The following KLF2 variants were observed in gnomAD, a reference collection of about 807,000 sequenced individuals.
The protein encoded by KLF2 is KLF transcription factor 2, also known as Krueppel-like factor 2.
KLF2 carries 9 observed loss-of-function variants against 22.2 expected under a neutral mutation model. That is an observed-to-expected ratio of 0.40 (90% CI 0.24 to 0.71). The LOEUF (loss-of-function observed/expected upper bound fraction) is 0.71, where lower values mean the gene tolerates loss of function less well. KLF2 is among the 30% of genes least tolerant of loss of function. KLF2 has a pLI of 0.35. For missense variants in KLF2, 481 were observed against 542.1 expected (o/e 0.89, Z 1.12); for synonymous variants, 299 against 264.2 (o/e 1.13, Z -1.28).
At position 16,325,793 on chromosome 19, in the gene KLF2, C is replaced by T. The variant is rs1174401553; in HGVS notation, c.653C>T (p.Ala218Val). 1.5e-6 allele frequency: 2 copies of T among 1,333,540 alleles called. No individual in the cohort carries two copies. Among genetic ancestry groups the T allele is most frequent in the Non-Finnish European group, 1.9e-6 (2 of 1,049,760 alleles). The allele number at this position is 1,333,540 out of a possible 1,614,324, so 82.6% of individuals were successfully genotyped here. Reference sequence around the variant, plus strand: ...CATTACGCGCCGCCTGCGCCCCCAGCCTTCGGTCTCTTCGACGACGCGGCC... The same window carrying T: ...CATTACGCGCCGCCTGCGCCCCCAGTCTTCGGTCTCTTCGACGACGCGGCC... ...GLHYAPPAPP[A>V]FGLFDDAAAA... Residue 218 changes from alanine (A) to valine (V), a missense_variant, in exon 2 of 3, where the codon GCC becomes GTC. Physicochemically the swap from Ala to Val is moderately conservative, Grantham distance 64. Transcript: ENST00000248071.
rs1400853882 is a variant in KLF2 at position 16,324,854 on chromosome 19, C to G, written c.-70C>G. The G allele has an allele frequency of 2.9e-6, 4 of 1,362,710 alleles. No homozygotes were observed. The highest frequency in any genetic ancestry group is 1.5e-5 in the African/African-American group (1 of 65,902). 84.4% of individuals were successfully genotyped at this position (1,362,710 alleles called of 1,614,324 possible). A position where few individuals can be genotyped will look rare whatever the true frequency, so the allele number is the denominator to read the frequency against. Reference sequence around the variant, plus strand: ...GAGCCGTCCCCGCCCGCCCGCGCCCCGACCAGCCCGGCCTCGGGCAGCCAC... The same window carrying G: ...GAGCCGTCCCCGCCCGCCCGCGCCCGGACCAGCCCGGCCTCGGGCAGCCAC... On this transcript the variant is annotated 5_prime_UTR_variant, in exon 1 of 3. Transcript: ENST00000248071.
Position 16,327,108 on chromosome 19 carries a change from C to G in KLF2, c.*77C>G. On this transcript the variant is annotated 3_prime_UTR_variant, in exon 3 of 3. Coordinates refer to ENST00000248071, the MANE Select transcript of KLF2 (RefSeq NM_016270.4). ...GGCGCGGCCCCCTCCCAAACTGTGACTGGTATTTATTGGACCCAGAGAACC... is the reference window on the plus strand; with the variant it reads ...GGCGCGGCCCCCTCCCAAACTGTGAGTGGTATTTATTGGACCCAGAGAACC... 7.3e-7 allele frequency: 1 copy of G among 1,361,032 alleles called. No homozygotes were observed. The highest frequency in any genetic ancestry group is 9.8e-7 in the Non-Finnish European group (1 of 1,022,120). 84.3% of individuals were successfully genotyped at this position (1,361,032 alleles called of 1,614,324 possible).
Position 16,324,866 on chromosome 19 carries a change from C to T in KLF2, c.-58C>T, listed in dbSNP as rs2091882783. On this transcript the variant is annotated 5_prime_UTR_variant, in exon 1 of 3. Coordinates refer to ENST00000248071, the MANE Select transcript of KLF2 (RefSeq NM_016270.4). ...CCCGCCCGCGCCCCGACCAGCCCGG[C>T]CTCGGGCAGCCACTCACCGGTGTCC... The T allele has an allele frequency of 3.5e-6, 5 of 1,444,322 alleles. No homozygotes were observed. In the Admixed American group the frequency reaches 7.6e-5, roughly 22 times the overall value. 89.5% of individuals were successfully genotyped at this position (1,444,322 alleles called of 1,614,324 possible).
Position 16,327,277 on chromosome 19 carries a change from A to T in KLF2, c.*246A>T. ...CGAGTTTTGTTTTTCAAAATGGTGC[A>T]ATAATTTAAGTGGCATCTTCTCTCC... On this transcript the variant is annotated 3_prime_UTR_variant, in exon 3 of 3. Coordinates refer to ENST00000248071, the MANE Select transcript of KLF2 (RefSeq NM_016270.4). 2.1e-6 allele frequency: 1 copy of T among 468,808 alleles called. No homozygotes were observed. Among genetic ancestry groups the T allele is most frequent in the Non-Finnish European group, 3.8e-6 (1 of 260,610 alleles). The allele number at this position is 468,808 out of a possible 1,614,324, so 29.0% of individuals were successfully genotyped here.
At position 16,325,243 on chromosome 19, in the gene KLF2, G is replaced by C; in HGVS notation, c.103G>C (p.Gly35Arg). The C allele has an allele frequency of 3.3e-6, 5 of 1,538,142 alleles. No homozygotes were observed. Among genetic ancestry groups the C allele is most frequent in the Non-Finnish European group, 4.4e-6 (5 of 1,147,306 alleles). ...CTGGCCGCGCGCCGAACCCGAGTCC[G>C]GCGGCACCGACGACGACCTCAACAG... is the stretch of plus-strand genomic sequence containing the variant. Reference protein sequence around the residue: ...ERWPRAEPESGGTDDDLNSVL... With the variant: ...ERWPRAEPESRGTDDDLNSVL... The change falls in exon 2 of 3, where the codon GGC becomes CGC. Residue 35 changes from glycine to arginine, a missense_variant. Physicochemically the swap from Gly to Arg is moderately radical, Grantham distance 125. Around this residue, in one of 2 missense-constraint regions of KLF2, gnomAD observed 421 missense variants for 435.1 expected, o/e 0.97. Transcript: ENST00000248071.
At position 16,325,323 on chromosome 19, in the gene KLF2, C is replaced by CCCGGAGCCG; in HGVS notation, c.187_195dup (p.Glu63_Pro65dup). 1.1e-5 allele frequency: 16 copies of CCCGGAGCCG among 1,482,332 alleles called. No homozygotes were observed. Among genetic ancestry groups the CCCGGAGCCG allele is most frequent in the Non-Finnish European group, 1.2e-5 (14 of 1,123,260 alleles). 91.8% of individuals were successfully genotyped at this position (1,482,332 alleles called of 1,614,324 possible). Reference sequence around the variant, plus strand: ...TGGATGGCCTGGGCGCCGAGGCCGCCCCGGAGCCGCCGCCGCCGCCCCCGC... The same window carrying CCCGGAGCCG: ...TGGATGGCCTGGGCGCCGAGGCCGCCCCGGAGCCGCCGGAGCCGCCGCCGCCGCCCCCGC... On this transcript the variant is annotated inframe_insertion, in exon 2 of 3. Coordinates refer to ENST00000248071, the MANE Select transcript of KLF2 (RefSeq NM_016270.4).
Position 16,325,921 on chromosome 19 carries a change from C to A in KLF2, c.781C>A (p.Arg261Ser). 6.6e-7 allele frequency: 1 copy of A among 1,522,412 alleles called. No individual in the cohort carries two copies. The highest frequency in any genetic ancestry group is 8.8e-7 in the Non-Finnish European group (1 of 1,137,880). The allele number at this position is 1,522,412 out of a possible 1,614,324, so 94.3% of individuals were successfully genotyped here. The change falls in exon 2 of 3, where the codon CGC becomes AGC. Residue 261 changes from arginine to serine, a missense_variant. Arg to Ser is a moderately radical substitution (Grantham distance 110). This residue lies in a region of KLF2 where 421 missense variants were observed against 435.1 expected (regional missense o/e 0.97). Transcript: ENST00000248071. ...ELLEAKPKRG[R>S]RSWPRKRTAT... ...GCTGGAGGCCAAGCCAAAGCGCGGC[C>A]GCCGCTCTTGGCCCCGCAAACGCAC...
In KLF2 at chr19:16,327,243, C is replaced by T. The variant is rs2091893168; in HGVS notation, c.*212C>T. ...AGGCCCGGTGGGAAAAGACCACGATCCTCCTTGACGAGTTTTGTTTTTCAA... is the reference window on the plus strand; with the variant it reads ...AGGCCCGGTGGGAAAAGACCACGATTCTCCTTGACGAGTTTTGTTTTTCAA... On this transcript the variant is annotated 3_prime_UTR_variant, in exon 3 of 3. Coordinates refer to ENST00000248071, the MANE Select transcript of KLF2 (RefSeq NM_016270.4). The T allele has an allele frequency of 5.8e-6, 3 of 516,322 alleles. No individual in the cohort carries two copies. Among genetic ancestry groups the T allele is most frequent in the Admixed American group, 3.6e-5 (1 of 27,508 alleles). The allele number at this position is 516,322 out of a possible 1,614,324, so 32.0% of individuals were successfully genotyped here.
intron 2 of KLF2, 100 bp downstream of exon 2, chr19:16,326,132 G>GGGC (rs1555732192): frequency 5.0e-6 from 6 of 1,199,472 alleles, no homozygotes; most frequent in Non-Finnish European, 6.9e-6. Context: ...ACCTCCCTTG[G>GGGC]GGCGTGGCTC....
In KLF2 at chr19:16,325,758, G is replaced by C; in HGVS notation, c.618G>C (p.Gly206=). The C allele has an allele frequency of 3.2e-6, 4 of 1,253,388 alleles. No individual in the cohort carries two copies. The highest frequency in any genetic ancestry group is 4.0e-6 in the Non-Finnish European group (4 of 1,003,254). The allele number at this position is 1,253,388 out of a possible 1,614,324, so 77.6% of individuals were successfully genotyped here. The change falls in exon 2 of 3, where the codon GGG becomes GGC. Residue 206 remains glycine (G), a synonymous_variant. Coordinates refer to ENST00000248071, the MANE Select transcript of KLF2 (RefSeq NM_016270.4). ...GTGGCCCTGGTTTCGGCGCGCCCGG[G>C]CCCGGCCTGCATTACGCGCCGCCTG... is the stretch of plus-strand genomic sequence containing the variant. ...PFGGPGFGAP[G]PGLHYAPPAP...
chr19:16,326,365 G>A (rs932555718), intron 2 of KLF2, among the ~76,000 whole-genome samples: 2 of 151,984 alleles, frequency 1.3e-5, no homozygotes, highest in Non-Finnish European at 2.9e-5. Context: ...AAGTTGGGGA[G>A]GGGGAGCAGG....
chr19:16,325,389 C>T lies in KLF2; in HGVS notation c.249C>T (p.Pro83=), dbSNP rs1063905. 1 of 1,425,114 alleles carries T rather than the reference C, an allele frequency of 7.0e-7. No individual in the cohort carries two copies. Among genetic ancestry groups the T allele is most frequent in the East Asian group, 2.9e-5 (1 of 34,114 alleles). The allele number at this position is 1,425,114 out of a possible 1,614,324, so 88.3% of individuals were successfully genotyped here. ...ACCCCGAACCCGGCGCGCCCCCGCC[C>T]TACAGCGCCCCCGCGGGTGGCCTGG... ...FYYPEPGAPP[P]YSAPAGGLVS... is the part of the protein sequence containing the mutation. Residue 83 remains proline, a synonymous_variant, in exon 2 of 3, where the codon CCC becomes CCT. Transcript: ENST00000248071.
In KLF2 at chr19:16,324,953, C is replaced by A; in HGVS notation, c.30C>A (p.Ser10=). The change falls in exon 1 of 3, where the codon TCC becomes TCA. Residue 10 remains serine, a synonymous_variant. Transcript: ENST00000248071. ...CGCTGAGTGAACCCATCCTGCCGTC[C>A]TTCTCCACTTTCGCCAGCCCGTGCC... MALSEPILP[S]FSTFASPCRE... is the part of the protein sequence containing the mutation. 1 of 1,603,562 alleles carries A rather than the reference C, an allele frequency of 6.2e-7. No individual in the cohort carries two copies. The highest frequency in any genetic ancestry group is 2.3e-5 in the East Asian group (1 of 44,014).
chr19:16,326,129 T>C (rs1437522689), intron 2 of KLF2, 97 bp downstream of exon 2: 2 of 1,217,242 alleles, frequency 1.6e-6, no homozygotes, highest in African/African-American at 1.6e-5. Context: ...AGGACCTCCC[T>C]TGGGGCGTGG....
At chr19:16,325,145 G>C (rs2091884224) in intron 1 of KLF2, 71 bp from the exon 2 acceptor site, 2 of 1,348,546 alleles carry the variant, frequency 1.5e-6, no homozygotes, top group Admixed American at 5.0e-5. Flanking sequence ...CGCGGACTTA[G>C]GGTGGTAAAA....
rs993756591 is a variant in KLF2 at position 16,328,595 on chromosome 19, G to A, written c.*1564G>A. On this transcript the variant is annotated 3_prime_UTR_variant, in exon 3 of 3. Coordinates refer to ENST00000248071, the MANE Select transcript of KLF2 (RefSeq NM_016270.4). ...CCCAACTACGGCAGCCCTGGAAACA[G>A]CTGAGAGGTGTTTGGTAATCCACGA... is the stretch of plus-strand genomic sequence containing the variant. Among the ~76,000 whole-genome samples the A allele has an allele frequency of 6.6e-6, 1 of 152,236 alleles. No homozygotes were observed. The highest frequency in any genetic ancestry group is 2.4e-5 in the African/African-American group (1 of 41,464).
At position 16,328,036 on chromosome 19, in the gene KLF2, G is replaced by A. The variant is rs527464231; in HGVS notation, c.*1005G>A. ...GGGGTGAGTTCCCCATTCTGCTAGC[G>A]GAAAACAGTGAAACCTGCATTCGAG... On this transcript the variant is annotated 3_prime_UTR_variant, in exon 3 of 3. Transcript: ENST00000248071. Among the ~76,000 whole-genome samples, 1 of 152,144 alleles carries A rather than the reference G, an allele frequency of 6.6e-6. No homozygotes were observed. Among genetic ancestry groups the A allele is most frequent in the African/African-American group, 2.4e-5 (1 of 41,510 alleles).
rs2145199063 is a variant in KLF2, at chr19:16,328,594, A to C, written c.*1563A>C. On this transcript the variant is annotated 3_prime_UTR_variant, in exon 3 of 3. Coordinates refer to ENST00000248071, the MANE Select transcript of KLF2 (RefSeq NM_016270.4). Reference sequence around the variant, plus strand: ...CCCCAACTACGGCAGCCCTGGAAACAGCTGAGAGGTGTTTGGTAATCCACG... The same window carrying C: ...CCCCAACTACGGCAGCCCTGGAAACCGCTGAGAGGTGTTTGGTAATCCACG... Among the ~76,000 whole-genome samples the C allele has an allele frequency of 6.6e-6, 1 of 152,328 alleles. No homozygotes were observed. Among genetic ancestry groups the C allele is most frequent in the South Asian group, 2.1e-4 (1 of 4,832 alleles).
At chr19:16,326,076 G>A in intron 2 of KLF2, 44 bp downstream of exon 2, 2 of 1,513,790 alleles carry the variant, frequency 1.3e-6, no homozygotes, top group Non-Finnish European at 8.9e-7. Context: ...GGGGGACGCG[G>A]GAGGAGAGGT....
Sources: gnomAD v4.1 joint callset for allele counts (sites outside exome capture counted in the v4.1 genomes callset) on GRCh38, gnomAD v4.1.1 for gene constraint, gnomAD v4.1.1 regional missense constraint, MANE v1.5 for transcripts, NCBI Gene and HGNC (gene_info 2026-07-23, HGNC 2026-07-21) for gene names.